Variants in DBF4B observed in about 807,000 individuals in gnomAD.
DBF4B encodes DBF4B-CDC7 kinase regulatory subunit, also known as protein DBF4 homolog B.
DBF4B carries 49 observed loss-of-function variants against 53.4 expected under a neutral mutation model. That is an observed-to-expected ratio of 0.92 (90% CI 0.73 to 1.16). DBF4B has a LOEUF of 1.16. DBF4B is among the 50% of genes most tolerant of loss of function. The probability of loss-of-function intolerance (pLI) is 0.00; values close to 1 mark genes in which losing one functional copy is unlikely to be tolerated. For synonymous variants in DBF4B, 257 were observed against 288.7 expected (o/e 0.89, Z 1.11); for missense variants, 692 against 775.0 (o/e 0.89, Z 1.27).
intron 10 of DBF4B, among the ~76,000 whole-genome samples, chr17:44,746,696 G>A (rs920529567): frequency 1.3e-5 from 2 of 151,886 alleles, no homozygotes; most frequent in African/African-American, 4.8e-5. Flanking sequence ...GCGGGCGCCT[G>A]TAATCCCAGC....
chr17:44,736,280 G>A (rs966181475), intron 7 of DBF4B, among the ~76,000 whole-genome samples: 14 of 151,898 alleles, frequency 9.2e-5, no homozygotes, highest in African/African-American at 2.9e-4. Context: ...CACCACGCCC[G>A]GCCTCCATTT....
In DBF4B at chr17:44,750,778, C is replaced by CT; in HGVS notation, c.1375dup (p.Ser459PhefsTer33). Reference sequence around the variant, plus strand: ...TCCTTTACCCAGTCTCATCTGGTCACTTCCTTGGCTCTGCTGCCTGGGGAG... The same window carrying CT: ...TCCTTTACCCAGTCTCATCTGGTCACTTTCCTTGGCTCTGCTGCCTGGGGAG... On this transcript the variant is annotated frameshift_variant, in exon 14 of 14. Transcript: ENST00000315005. LOFTEE classifies it low-confidence loss of function (END_TRUNC). 1 of 1,614,244 alleles carries CT rather than the reference C, an allele frequency of 6.2e-7. No homozygotes were observed. Among genetic ancestry groups the CT allele is most frequent in the Non-Finnish European group, 8.5e-7 (1 of 1,180,042 alleles).
At chr17:44,732,131 G>A (rs368852241) in intron 5 of DBF4B, 47 bp from the exon 6 acceptor site, 1 of 1,598,786 alleles carries the variant, frequency 6.3e-7, no homozygotes, top group Non-Finnish European at 8.6e-7. Flanking sequence ...TCACTTTCAG[G>A]CCTTGGGGAG....
At chr17:44,716,809 G>A (rs1158103059) in intron 2 of DBF4B, among the ~76,000 whole-genome samples, 1 of 152,070 alleles carries the variant, frequency 6.6e-6, no homozygotes, top group Admixed American at 6.6e-5. Context: ...TTTCATTCTA[G>A]CATTCTACTC....
chr17:44,711,934 CAA>C (rs534607737), intron 2 of DBF4B, among the ~76,000 whole-genome samples: 4 of 96,722 alleles, frequency 4.1e-5, no homozygotes, highest in African/African-American at 1.2e-4. Context: ...GACTCTGTCT[CAA>C]AAAAAAAAAA....
Position 44,734,021 on chromosome 17 carries a change from C to G in DBF4B, c.557-69C>G. ...GCCCAGCGAGTTTAGTCCTGCAGCC[C>G]AGGAAGGGGCTGTGCTAGGTAAGTG... On this transcript the variant is annotated intron_variant, in intron 6 of 13. Coordinates refer to ENST00000315005, the MANE Select transcript of DBF4B (RefSeq NM_145663.3). The G allele has an allele frequency of 2.2e-6, 3 of 1,369,910 alleles. No individual in the cohort carries two copies. In the South Asian group the frequency reaches 3.5e-5, roughly 16 times the overall value. 84.9% of individuals were successfully genotyped at this position (1,369,910 alleles called of 1,614,324 possible). A position where few individuals can be genotyped will look rare whatever the true frequency, so the allele number is the denominator to read the frequency against.
rs1309948716 is a variant in DBF4B, at chr17:44,732,188, G to T, written c.479G>T (p.Ser160Ile). 6.2e-7 allele frequency: 1 copy of T among 1,614,096 alleles called. No individual in the cohort carries two copies. Among genetic ancestry groups the T allele is most frequent in the South Asian group, 1.1e-5 (1 of 91,062 alleles). The change falls in exon 6 of 14, where the codon AGT (serine) becomes ATT (isoleucine). Residue 160 changes from serine to isoleucine, a missense_variant. Coordinates refer to ENST00000315005, the MANE Select transcript of DBF4B (RefSeq NM_145663.3). ...QKAIRNQGSI[S>I]GGGSGGSSSL... is the part of the protein sequence containing the mutation. ...GTGTTGTAATTTCAGGGGAGCATCA[G>T]TGGAGGAGGCAGTGGGGGCAGCAGC...
Position 44,722,907 on chromosome 17 carries a change from A to G in DBF4B, c.110A>G (p.Gln37Arg), listed in dbSNP as rs371247135. 2.5e-6 allele frequency: 4 copies of G among 1,614,068 alleles called. No homozygotes were observed. The highest frequency in any genetic ancestry group is 1.6e-4 in the Middle Eastern group (1 of 6,084). ...GTTTCCAGGTGTCTAGGAAAATGCC[A>G]GAAGAACTCACCAGGTGCCAGGAAG... Reference protein sequence around the residue: ...LGVSRCLGKCQKNSPGARKHP... With the variant: ...LGVSRCLGKCRKNSPGARKHP... Residue 37 changes from glutamine to arginine, a missense_variant, in exon 3 of 14, where the codon CAG becomes CGG. Transcript: ENST00000315005.
chr17:44,717,724 A>G (rs1334290522), intron 2 of DBF4B, among the ~76,000 whole-genome samples: 3 of 151,184 alleles, frequency 2.0e-5, no homozygotes, highest in Non-Finnish European at 2.9e-5. Flanking sequence ...AAAAAAAAAA[A>G]ATCCAGGGGG....
In DBF4B at chr17:44,723,032, C is replaced by G. The variant is rs191587652; in HGVS notation, c.225+10C>G. The G allele has an allele frequency of 1.3e-4, 216 of 1,613,784 alleles. No homozygotes were observed. The highest frequency in any genetic ancestry group is 5.8e-4 in the Admixed American group (35 of 59,992). ...TCAGCAACTGGGTGGGGTAGGTAACCTGCTCTTCTCCTGCGATGCCATGTG... is the reference window on the plus strand; with the variant it reads ...TCAGCAACTGGGTGGGGTAGGTAACGTGCTCTTCTCCTGCGATGCCATGTG... On this transcript the variant is annotated intron_variant, in intron 3 of 13. Transcript: ENST00000315005.
At chr17:44,738,698 C>G (rs1298183659) in intron 9 of DBF4B, among the ~76,000 whole-genome samples, 2 of 152,236 alleles carry the variant, frequency 1.3e-5, no homozygotes, top group Admixed American at 1.3e-4. Context: ...ATTTAATACT[C>G]TGCTCTATGA....
chr17:44,709,267 G>T, intron 1 of DBF4B, 37 bp from the exon 2 acceptor site: 4 of 1,613,850 alleles, frequency 2.5e-6, no homozygotes, highest in South Asian at 1.1e-5. Flanking sequence ...CCAAGGGTTG[G>T]TGAAGATGGT....
intron 10 of DBF4B, 71 bp downstream of exon 10, chr17:44,741,523 G>C: frequency 9.4e-7 from 1 of 1,068,196 alleles, no homozygotes; most frequent in Non-Finnish European, 1.4e-6. Context: ...GGGGCCTGCT[G>C]GTCAGATTTG....
chr17:44,750,366 G>T, intron 13 of DBF4B: 1 of 1,357,480 alleles, frequency 7.4e-7, no homozygotes, highest in South Asian at 2.0e-5. Context: ...GCTATTCTGT[G>T]TCTCCTTTCA....
At chr17:44,745,094 G>A (rs1391020083) in intron 10 of DBF4B, among the ~76,000 whole-genome samples, 1 of 152,010 alleles carries the variant, frequency 6.6e-6, no homozygotes, top group Non-Finnish European at 1.5e-5. Flanking sequence ...ACCACACCTG[G>A]CTAATTTTTA....
rs571897478 is a variant in DBF4B at position 44,736,021 on chromosome 17, G to A, written c.631-809G>A. ...TTGTGAGACAAGGTCTGGCTCTGTC[G>A]CCCAGGCTGGAGTGCAGTGGCGCCA... On this transcript the variant is annotated intron_variant, in intron 7 of 13. Coordinates refer to ENST00000315005, the MANE Select transcript of DBF4B (RefSeq NM_145663.3). 2.4e-4 allele frequency among the ~76,000 whole-genome samples: 36 copies of A among 151,688 alleles called. No homozygotes were observed. In the East Asian group the frequency reaches 5.0e-3, roughly 21 times the overall value.
chr17:44,727,302 C>A (rs867765686), intron 3 of DBF4B, among the ~76,000 whole-genome samples: 2 of 151,580 alleles, frequency 1.3e-5, no homozygotes, highest in Admixed American at 6.6e-5. Context: ...ACTTGTAGTC[C>A]CAGCTACTCG....
intron 3 of DBF4B, among the ~76,000 whole-genome samples, chr17:44,726,292 TTTTATTTATTTATTTATTTA>T (rs377668647): frequency 1.5e-5 from 2 of 132,092 alleles, no homozygotes; most frequent in African/African-American, 5.7e-5. Flanking sequence ...CCCGGCCCTT[TTTTATTTATTTATTTATTTA>T]TTTATTTATT....
intron 7 of DBF4B, among the ~76,000 whole-genome samples, chr17:44,736,530 G>A (rs1465327699): frequency 6.6e-6 from 1 of 152,196 alleles, no homozygotes; most frequent in Non-Finnish European, 1.5e-5. Context: ...CAGAGCTGAA[G>A]TACCCACCAG....
Sources: gnomAD v4.1 joint callset for allele counts (sites outside exome capture counted in the v4.1 genomes callset) on GRCh38, gnomAD v4.1.1 for gene constraint, MANE v1.5 for transcripts, NCBI Gene and HGNC (gene_info 2026-07-23, HGNC 2026-07-21) for gene names.